The following PPP2R1B variants were observed in gnomAD, a reference collection of about 807,000 sequenced individuals.
The protein encoded by PPP2R1B is protein phosphatase 2 scaffold subunit Abeta.
In PPP2R1B, 58 loss-of-function variants were observed where a neutral mutation model predicts 72.7. The observed-to-expected ratio is 0.80, with a 90% CI of 0.65 to 0.99. The LOEUF (loss-of-function observed/expected upper bound fraction) is 0.99. Ranked by LOEUF, PPP2R1B falls within the 50% of genes least tolerant of loss-of-function variation. The pLI is 0.00. For synonymous variants in PPP2R1B, 256 were observed against 264.6 expected (o/e 0.97, Z 0.32); for missense variants, 695 against 733.6 (o/e 0.95, Z 0.61).
chr11:111,747,850 A>C, intron 11 of PPP2R1B, 104 bp downstream of exon 11: 1 of 1,098,572 alleles, frequency 9.1e-7, no homozygotes, highest in Non-Finnish European at 1.3e-6. Flanking sequence ...CATTCCTACA[A>C]TATTAAGGCA....
At chr11:111,709,118 C>T in the PPP2R1B span, among the ~76,000 whole-genome samples, 3 of 152,170 alleles carry the variant, frequency 2.0e-5, no homozygotes, top group East Asian at 1.9e-4. Flanking sequence ...TTCGGGAGGC[C>T]GGAAATCAGG....
intron 5 of PPP2R1B, among the ~76,000 whole-genome samples, chr11:111,756,951 T>C (rs1313394071): frequency 6.6e-6 from 1 of 151,916 alleles, no homozygotes; most frequent in African/African-American, 2.4e-5. Flanking sequence ...CCATCTCTAC[T>C]AACAATACAA....
chr11:111,690,709 G>A, the PPP2R1B span, among the ~76,000 whole-genome samples: 1 of 151,860 alleles, frequency 6.6e-6, no homozygotes, highest in African/African-American at 2.4e-5. Flanking sequence ...AGAACATGTG[G>A]TGTTTGGTTT....
the PPP2R1B span, among the ~76,000 whole-genome samples, chr11:111,713,129 C>A: frequency 6.6e-6 from 1 of 152,232 alleles, no homozygotes; most frequent in South Asian, 2.1e-4. Flanking sequence ...CACAGCACCA[C>A]ACTCCAGCCT....
the PPP2R1B span, among the ~76,000 whole-genome samples, chr11:111,692,248 G>A: frequency 6.7e-6 from 1 of 150,100 alleles, no homozygotes; most frequent in African/African-American, 2.4e-5. Flanking sequence ...CTACTCCGGA[G>A]GCTGAGGCAG....
the PPP2R1B span, chr11:111,721,878 G>A: frequency 5.8e-5 from 94 of 1,612,770 alleles, no homozygotes; most frequent in South Asian, 5.8e-4. Flanking sequence ...CCCTGCCAGC[G>A]TGCATCCCCA....
At chr11:111,721,597 A>G in the PPP2R1B span, among the ~76,000 whole-genome samples, 6 of 152,212 alleles carry the variant, frequency 3.9e-5, no homozygotes, top group Non-Finnish European at 8.8e-5. Flanking sequence ...TGGTGACACC[A>G]AGAGTCTTTG....
At chr11:111,755,583 T>C (rs1945079443) in intron 5 of PPP2R1B, 133 bp from the exon 6 acceptor site, 1 of 650,882 alleles carries the variant, frequency 1.5e-6, no homozygotes, top group Non-Finnish European at 2.3e-6. Context: ...CGTCTTGACA[T>C]CTTTTTCTTT....
chr11:111,764,449 A>G (rs921603442), intron 3 of PPP2R1B, among the ~76,000 whole-genome samples: 10 of 152,218 alleles, frequency 6.6e-5, no homozygotes, highest in African/African-American at 1.4e-4. Flanking sequence ...TCAAACTCAC[A>G]AAGTCAGAAG....
At chr11:111,696,071 G>C in the PPP2R1B span, among the ~76,000 whole-genome samples, 1 of 152,154 alleles carries the variant, frequency 6.6e-6, no homozygotes, top group Non-Finnish European at 1.5e-5. Context: ...AGCTTTTGAG[G>C]CCTAGTTGAT....
rs117370374 is a variant in PPP2R1B at position 111,729,965 on chromosome 11, G to C, written c.1912-2908C>G. 1,183 of 152,418 alleles carry C rather than the reference G, an allele frequency of 7.8e-3. 9 individuals are homozygous for C. The highest frequency in any genetic ancestry group is 0.054 in the Middle Eastern group (16 of 296). The allele number at this position is 152,418 out of a possible 1,614,324, so 9.4% of individuals were successfully genotyped here. Reference sequence around the variant, plus strand: ...CACCCCCTTCCTCAATTGCCAAGGGGCCGCATCGCACGGCATCAGGCCACC... The same window carrying C: ...CACCCCCTTCCTCAATTGCCAAGGGCCCGCATCGCACGGCATCAGGCCACC... On this transcript the variant is annotated intron_variant, in intron 15 of 15. Coordinates refer to the PPP2R1B transcript ENST00000311129.
chr11:111,739,506 C>T lies in PPP2R1B; in HGVS notation c.*2090G>A. On this transcript the variant is annotated 3_prime_UTR_variant, in exon 15 of 15. Transcript: ENST00000527614. ...GGGGTCACCACAAAAGACAGAGGCC[C>T]CGCTGAACCCCCGACCCATGCTTGA... 1 of 985,360 alleles carries T rather than the reference C, an allele frequency of 1.0e-6. No individual in the cohort carries two copies. The highest frequency in any genetic ancestry group is 1.2e-6 in the Non-Finnish European group (1 of 829,946). The allele number at this position is 985,360 out of a possible 1,614,324, so 61.0% of individuals were successfully genotyped here. A position where few individuals can be genotyped will look rare whatever the true frequency, so the allele number is the denominator to read the frequency against.
Position 111,759,839 on chromosome 11 carries a change from C to A in PPP2R1B, c.652G>T (p.Val218Phe), listed in dbSNP as rs782479089. Residue 218 changes from valine (V) to phenylalanine (F), a missense_variant, in exon 5 of 15, where the codon GTT becomes TTT. Coordinates refer to ENST00000527614, the MANE Select transcript of PPP2R1B (RefSeq NM_002716.5). ...LELDSVKSEI[V>F]PLFTSLASDE... is the part of the protein sequence containing the mutation. ...GAAGCTAGACTAGTGAACAGTGGAACAATTTCACTTTTCACACTGTCTAAT... is the reference window on the plus strand; with the variant it reads ...GAAGCTAGACTAGTGAACAGTGGAAAAATTTCACTTTTCACACTGTCTAAT... The A allele has an allele frequency of 6.2e-7, 1 of 1,613,744 alleles. No homozygotes were observed. Among genetic ancestry groups the A allele is most frequent in the Admixed American group, 1.7e-5 (1 of 59,964 alleles).
chr11:111,705,078 A>G, the PPP2R1B span: 1 of 1,607,188 alleles, frequency 6.2e-7, no homozygotes, highest in Non-Finnish European at 8.5e-7. This position sits in a 1 kb window ranked among gnomAD's most constrained non-coding sequence, Gnocchi z 4.3. Context: ...TTCCCAGTGG[A>G]GCAGAGACTT....
At chr11:111,763,906 A>G (rs1555052184) in intron 3 of PPP2R1B, among the ~76,000 whole-genome samples, 1 of 151,848 alleles carries the variant, frequency 6.6e-6, no homozygotes, top group Non-Finnish European at 1.5e-5. Context: ...TAATCAATCT[A>G]CCTCAGGAGT....
chr11:111,733,909 C>A (rs1478115439), downstream of PPP2R1B, among the ~76,000 whole-genome samples: 1 of 152,192 alleles, frequency 6.6e-6, no homozygotes, highest in Admixed American at 6.5e-5. Flanking sequence ...TCCCACCCAG[C>A]CCGGGAGCCA....
intron 15 of PPP2R1B, chr11:111,728,523 A>T (rs1442752564): frequency 6.6e-6 from 1 of 152,246 alleles, no homozygotes; most frequent in Non-Finnish European, 1.5e-5. Flanking sequence ...TCCTGACCTC[A>T]GGTGACCCAC....
the PPP2R1B span, among the ~76,000 whole-genome samples, chr11:111,718,256 A>G: frequency 6.6e-6 from 1 of 152,190 alleles, no homozygotes; most frequent in Non-Finnish European, 1.5e-5. Context: ...GTATTAGTAG[A>G]GAGTTAAGGA....
At chr11:111,752,356 G>C (rs1405892637) in intron 9 of PPP2R1B, 24 bp from the exon 10 acceptor site, 2 of 1,576,088 alleles carry the variant, frequency 1.3e-6, no homozygotes, top group Non-Finnish European at 1.7e-6. Context: ...AGCCCCAAAA[G>C]ACCACATTTA....
Sources: allele counts gnomAD v4.1 joint callset (sites outside exome capture counted in the v4.1 genomes callset), GRCh38; gene constraint gnomAD v4.1.1; non-coding constraint Gnocchi (gnomAD v3.1); transcripts MANE v1.5; gene names NCBI Gene and HGNC (gene_info 2026-07-23, HGNC 2026-07-21).